The following SLCO1B1 variants were observed in gnomAD, a reference collection of about 807,000 sequenced individuals.
SLCO1B1 encodes solute carrier organic anion transporter family member 1B1.
Under a neutral mutation model 70.1 loss-of-function variants are expected in SLCO1B1, and 81 were observed. The ratio of observed to expected loss-of-function variants is 1.16; its 90% CI spans 0.97 to 1.39. The LOEUF (loss-of-function observed/expected upper bound fraction) is 1.39, where lower values mean the gene tolerates loss of function less well. Among genes scored for constraint, SLCO1B1 ranks in the 40% most tolerant of loss-of-function variants. The pLI is 0.00. For synonymous variants in SLCO1B1, 283 were observed against 271.5 expected, an observed-to-expected ratio of 1.04 and a Z score of -0.42; for missense variants, 895 against 799.6, an observed-to-expected ratio of 1.12 and a Z score of -1.44.
intron 11 of SLCO1B1, among the ~76,000 whole-genome samples, chr12:21,211,832 T>G (rs1470235749): frequency 1.3e-5 from 2 of 152,128 alleles, no homozygotes; most frequent in Non-Finnish European, 2.9e-5. Flanking sequence ...CTTCTAGATT[T>G]TCTAGTTTAT....
chr12:21,157,366 T>C (rs2121070933), intron 2 of SLCO1B1, among the ~76,000 whole-genome samples: 1 of 152,078 alleles, frequency 6.6e-6, no homozygotes, highest in African/African-American at 2.4e-5. Flanking sequence ...TAAAATGAAA[T>C]AAAGAGAGCC....
intron 2 of SLCO1B1, among the ~76,000 whole-genome samples, chr12:21,158,684 A>G (rs1940573656): frequency 6.6e-6 from 1 of 152,094 alleles, no homozygotes; most frequent in South Asian, 2.1e-4. Flanking sequence ...GAAGAGTAAG[A>G]GTCTGTCTCA....
At chr12:21,143,492 A>G (rs1940340223) in intron 2 of SLCO1B1, among the ~76,000 whole-genome samples, 1 of 152,112 alleles carries the variant, frequency 6.6e-6, no homozygotes, top group Non-Finnish European at 1.5e-5. Context: ...CATTTACTAT[A>G]TGCCAGACAT....
intron 7 of SLCO1B1, among the ~76,000 whole-genome samples, chr12:21,185,955 G>A (rs10841755): frequency 0.32 from 49,184 of 151,640 alleles, 8,450 homozygotes; most frequent in African/African-American, 0.43. Context: ...TCTAGAGGAA[G>A]TAGAGTCATT....
intron 2 of SLCO1B1, among the ~76,000 whole-genome samples, chr12:21,172,354 A>T (rs949225453): frequency 1.3e-5 from 2 of 152,210 alleles, no homozygotes; most frequent in African/African-American, 4.8e-5. Context: ...TGAGAACATG[A>T]TGTAGCTTTC....
intron 4 of SLCO1B1, 32 bp downstream of exon 4, chr12:21,174,741 C>T: frequency 6.4e-7 from 1 of 1,573,046 alleles, no homozygotes. Flanking sequence ...AACCTCTGTG[C>T]CACTATCAGT....
intron 7 of SLCO1B1, among the ~76,000 whole-genome samples, chr12:21,190,877 A>G (rs1941022546): frequency 6.6e-6 from 1 of 152,142 alleles, no homozygotes; most frequent in Non-Finnish European, 1.5e-5. Context: ...ATTGAGTTGT[A>G]GGATTTCCCC....
At chr12:21,226,924 C>G (rs1257401848) in intron 14 of SLCO1B1, among the ~76,000 whole-genome samples, 1 of 151,872 alleles carries the variant, frequency 6.6e-6, no homozygotes, top group Non-Finnish European at 1.5e-5. Flanking sequence ...AAGAAAAAAT[C>G]ACGAATGGCT....
chr12:21,228,058 T>C (rs988220824), intron 14 of SLCO1B1, among the ~76,000 whole-genome samples: 1 of 152,098 alleles, frequency 6.6e-6, no homozygotes, highest in Non-Finnish European at 1.5e-5. Context: ...ATATATGTTA[T>C]TCTTGTGTAC....
At chr12:21,218,368 T>C (rs1191238883) in intron 12 of SLCO1B1, among the ~76,000 whole-genome samples, 1 of 152,114 alleles carries the variant, frequency 6.6e-6, no homozygotes, top group African/African-American at 2.4e-5. Context: ...CATGTGTAAG[T>C]ATAGTGACCT....
At chr12:21,165,946 GAACACAGAAT>G (rs763902209) in intron 2 of SLCO1B1, among the ~76,000 whole-genome samples, 5 of 151,806 alleles carry the variant, frequency 3.3e-5, no homozygotes, top group Admixed American at 6.6e-5. Context: ...TGAGCAGTTA[GAACACAGAAT>G]CCGCAAACTT....
rs376662787 is a variant in SLCO1B1, at chr12:21,183,826, C to T, written c.727+4806C>T. Among the ~76,000 whole-genome samples the T allele has an allele frequency of 1.2e-3, 182 of 152,054 alleles. 3 individuals are homozygous for T. In the South Asian group the frequency reaches 0.035, roughly 29 times the overall value. ...AAGCTCATTGAGATTCAGGAAAGTGCTGAAACACAATTTAAGGAATTCAAT... is the reference window on the plus strand; with the variant it reads ...AAGCTCATTGAGATTCAGGAAAGTGTTGAAACACAATTTAAGGAATTCAAT... On this transcript the variant is annotated intron_variant, in intron 7 of 14. Transcript: ENST00000256958.
chr12:21,208,929 G>C (rs536093303), intron 11 of SLCO1B1, among the ~76,000 whole-genome samples: 1 of 151,924 alleles, frequency 6.6e-6, no homozygotes, highest in South Asian at 2.1e-4. Context: ...CAGTTTAACT[G>C]TTATCGGTGT....
Position 21,222,330 on chromosome 12 carries a change from A to G in SLCO1B1, c.1713A>G (p.Ala571=). Residue 571 remains alanine, a synonymous_variant, in exon 13 of 15, where the codon GCA becomes GCG. Transcript: ENST00000256958. ...KIVQPELKSL[A]LGFHSMVIRA... ...TTCAACCTGAATTGAAATCACTTGC[A>G]CTGGGTTTCCACTCAATGGTTATAC... The G allele has an allele frequency of 9.2e-7, 1 of 1,092,546 alleles. No homozygotes were observed. The allele number at this position is 1,092,546 out of a possible 1,614,324, so 67.7% of individuals were successfully genotyped here. A position where few individuals can be genotyped will look rare whatever the true frequency, so the allele number is the denominator to read the frequency against.
chr12:21,196,508 C>T (rs1436668367), intron 7 of SLCO1B1, among the ~76,000 whole-genome samples: 3 of 152,126 alleles, frequency 2.0e-5, no homozygotes, highest in African/African-American at 7.2e-5. Context: ...TGGGAAGCCC[C>T]TTTATTGACT....
chr12:21,165,620 T>G (rs993808311), intron 2 of SLCO1B1, among the ~76,000 whole-genome samples: 5 of 152,144 alleles, frequency 3.3e-5, no homozygotes, highest in African/African-American at 1.2e-4. Flanking sequence ...CAAAATCCAA[T>G]GTGATAGTAT....
intron 7 of SLCO1B1, among the ~76,000 whole-genome samples, chr12:21,196,317 T>C (rs1244936136): frequency 1.3e-5 from 2 of 152,190 alleles, no homozygotes; most frequent in Non-Finnish European, 2.9e-5. Flanking sequence ...ACTTGAGATA[T>C]AGCATTTACA....
intron 2 of SLCO1B1, among the ~76,000 whole-genome samples, chr12:21,144,117 T>C (rs1940350468): frequency 6.6e-6 from 1 of 152,080 alleles, no homozygotes; most frequent in Admixed American, 6.6e-5. Flanking sequence ...ATTTCTTCTC[T>C]TCAAATTTAA....
In SLCO1B1 at chr12:21,217,178, C is replaced by G. The variant is rs1240936523; in HGVS notation, c.1557C>G (p.Ala519=). The G allele has an allele frequency of 5.6e-6, 9 of 1,613,532 alleles. No individual in the cohort carries two copies. Among genetic ancestry groups the G allele is most frequent in the Non-Finnish European group, 7.6e-6 (9 of 1,179,700 alleles). The change falls in exon 12 of 15, where the codon GCC becomes GCG. Residue 519 remains alanine (A), a synonymous_variant. Transcript: ENST00000256958. ...VTGLQNRNYS[A]HLGECPRDDA... ...GTCTCCAGAACAGAAATTACTCAGC[C>G]CATTTGGGTGAATGCCCAAGAGATG... is the stretch of plus-strand genomic sequence containing the variant.
Sources: allele counts gnomAD v4.1 joint callset (sites outside exome capture counted in the v4.1 genomes callset), GRCh38; gene constraint gnomAD v4.1.1; transcripts MANE v1.5; gene names NCBI Gene and HGNC (gene_info 2026-07-23, HGNC 2026-07-21).